The following RSF1 variants were observed in gnomAD, a reference collection of about 807,000 sequenced individuals.
RSF1 encodes the protein HBV pX-associated protein 8.
In RSF1, 13 loss-of-function variants were observed where a neutral mutation model predicts 145.2. The ratio of observed to expected loss-of-function variants is 0.09; its 90% CI spans 0.06 to 0.14. RSF1 has a LOEUF of 0.14. Among genes scored for constraint, RSF1 ranks in the 10% least tolerant of loss-of-function variants. RSF1 has a pLI of 1.00. For synonymous variants in RSF1, 577 were observed against 592.6 expected (o/e 0.97, Z 0.38); for missense variants, 1,517 against 1,718.2 (o/e 0.88, Z 2.07).
At chr11:77,749,839 C>T (rs1344306778) in intron 2 of RSF1, among the ~76,000 whole-genome samples, 1 of 152,152 alleles carries the variant, frequency 6.6e-6, no homozygotes, top group Non-Finnish European at 1.5e-5. Flanking sequence ...ACCTCTGCCT[C>T]CCAGGTTCAA....
rs1289327153 is a variant in RSF1, at chr11:77,662,400, T to C, written c.*4517A>G. 1 of 152,094 alleles carries C rather than the reference T, an allele frequency of 6.6e-6. No homozygotes were observed. The highest frequency in any genetic ancestry group is 2.4e-5 in the African/African-American group (1 of 41,454). The allele number at this position is 152,094 out of a possible 1,614,324, so 9.4% of individuals were successfully genotyped here. A position where few individuals can be genotyped will look rare whatever the true frequency, so the allele number is the denominator to read the frequency against. ...CGACTTCCAGGAGGGTTTGCATGAA[T>C]GAATACAAAAAGTGGTGAGTGTATA... On this transcript the variant is annotated 3_prime_UTR_variant, in exon 16 of 16. Transcript: ENST00000308488.
chr11:77,781,605 T>C (rs1948405365), intron 1 of RSF1, among the ~76,000 whole-genome samples: 1 of 152,252 alleles, frequency 6.6e-6, no homozygotes, highest in Non-Finnish European at 1.5e-5. Flanking sequence ...TCCAACTGTT[T>C]CACATCCTCA....
intron 5 of RSF1, among the ~76,000 whole-genome samples, chr11:77,720,801 T>C (rs1402075602): frequency 6.6e-6 from 1 of 152,148 alleles, no homozygotes; most frequent in Non-Finnish European, 1.5e-5. Context: ...CCAGTACTCA[T>C]GTAAGAAAAA....
intron 5 of RSF1, among the ~76,000 whole-genome samples, chr11:77,707,324 AG>A (rs978780632): frequency 6.6e-6 from 1 of 152,206 alleles, no homozygotes; most frequent in Non-Finnish European, 1.5e-5. Flanking sequence ...TTTTACTAAC[AG>A]GAAGTCTTAT....
chr11:77,742,652 T>G (rs1947953949), intron 3 of RSF1, among the ~76,000 whole-genome samples: 1 of 152,224 alleles, frequency 6.6e-6, no homozygotes, highest in Non-Finnish European at 1.5e-5. Context: ...ACAGCCATCC[T>G]AACAAGCATG....
chr11:77,805,541 A>C (rs1948669197), intron 1 of RSF1, among the ~76,000 whole-genome samples: 1 of 152,228 alleles, frequency 6.6e-6, no homozygotes, highest in Non-Finnish European at 1.5e-5. Context: ...AAGATAGTTA[A>C]TTAAAGTTAA....
chr11:77,682,712 T>C (rs1445056105), intron 11 of RSF1, among the ~76,000 whole-genome samples: 1 of 152,210 alleles, frequency 6.6e-6, no homozygotes, highest in Non-Finnish European at 1.5e-5. Flanking sequence ...GCTAACAATC[T>C]AGTGATGAAG....
At chr11:77,689,090 T>G (rs1211292063) in intron 9 of RSF1, among the ~76,000 whole-genome samples, 1 of 152,174 alleles carries the variant, frequency 6.6e-6, no homozygotes, top group Admixed American at 6.5e-5. Context: ...AATGCTTAGA[T>G]TTCCTCAATC....
chr11:77,702,148 G>T lies in RSF1; in HGVS notation c.1081C>A (p.His361Asn). 1 of 1,613,840 alleles carries T rather than the reference G, an allele frequency of 6.2e-7. No individual in the cohort carries two copies. Among genetic ancestry groups the T allele is most frequent in the Admixed American group, 1.7e-5 (1 of 60,000 alleles). ...TCAGTAGATTTCTCAGTAATTTCGT[G>T]AGAAGATTTAATATTGCCACCAAAT... ...IEFGGNIKSS[H>N]EITEKSTEET... The change falls in exon 6 of 16, where the codon CAC becomes AAC. Residue 361 changes from histidine to asparagine, a missense_variant. This residue lies in a region of RSF1 where 207 missense variants were observed against 191.4 expected (regional missense o/e 1.08). Transcript: ENST00000308488.
chr11:77,732,301 T>C (rs948309182), intron 4 of RSF1, among the ~76,000 whole-genome samples: 8 of 152,200 alleles, frequency 5.3e-5, no homozygotes, highest in East Asian at 1.9e-4. Flanking sequence ...TGTACCCCCA[T>C]TGTATCTAGG....
At chr11:77,785,320 T>C (rs979072482) in intron 1 of RSF1, among the ~76,000 whole-genome samples, 2 of 152,220 alleles carry the variant, frequency 1.3e-5, no homozygotes, top group Non-Finnish European at 2.9e-5. Context: ...CTGGGCACAG[T>C]GGCTCATGCC....
chr11:77,867,137 G>A, the RSF1 span, among the ~76,000 whole-genome samples: 1 of 152,108 alleles, frequency 6.6e-6, no homozygotes, highest in Non-Finnish European at 1.5e-5. Context: ...CACTGTGCCC[G>A]GCCCCCATGC....
intron 9 of RSF1, among the ~76,000 whole-genome samples, chr11:77,685,923 G>A (rs1474806707): frequency 2.0e-5 from 3 of 152,030 alleles, no homozygotes; most frequent in Non-Finnish European, 4.4e-5. Context: ...ACCTTATCAA[G>A]GTCCCAGTGA....
At chr11:77,804,673 GAAA>G (rs1311974830) in intron 1 of RSF1, among the ~76,000 whole-genome samples, 10 of 150,636 alleles carry the variant, frequency 6.6e-5, no homozygotes, top group African/African-American at 2.4e-5. Flanking sequence ...TCCATCTCTA[GAAA>G]AAAAAAATTA....
At chr11:77,720,212 T>C (rs1960912270) in intron 5 of RSF1, among the ~76,000 whole-genome samples, 1 of 152,200 alleles carries the variant, frequency 6.6e-6, no homozygotes, top group African/African-American at 2.4e-5. Context: ...CTGTTCTTTA[T>C]ATGAAATTCT....
At chr11:77,796,079 T>C (rs967717614) in intron 1 of RSF1, among the ~76,000 whole-genome samples, 2 of 152,200 alleles carry the variant, frequency 1.3e-5, no homozygotes, top group Non-Finnish European at 2.9e-5. Context: ...TCTTCTTGTG[T>C]CTATTTGATT....
intron 1 of RSF1, among the ~76,000 whole-genome samples, chr11:77,796,152 G>A (rs11828664): frequency 0.18 from 26,974 of 151,850 alleles, 2,989 homozygotes; most frequent in African/African-American, 0.3. Context: ...CCTCCCTAAC[G>A]CATTTTATGA....
chr11:77,788,820 T>A (rs567195355), intron 1 of RSF1, among the ~76,000 whole-genome samples: 30 of 152,230 alleles, frequency 2.0e-4, no homozygotes, highest in Non-Finnish European at 3.7e-4. Context: ...ACTAGAGGCC[T>A]CCTCTACTAA....
intron 1 of RSF1, among the ~76,000 whole-genome samples, chr11:77,794,997 C>T (rs1948557115): frequency 6.6e-6 from 1 of 152,084 alleles, no homozygotes; most frequent in African/African-American, 2.4e-5. Context: ...TTCAGTAATG[C>T]CGCAAGAGAC....
Sources: gnomAD v4.1 joint callset for allele counts (sites outside exome capture counted in the v4.1 genomes callset) on GRCh38, gnomAD v4.1.1 for gene constraint, gnomAD v4.1.1 regional missense constraint, MANE v1.5 for transcripts, NCBI Gene and HGNC (gene_info 2026-07-23, HGNC 2026-07-21) for gene names.